IMPDH2: variants seen among roughly 807,000 people sequenced by gnomAD.
IMPDH2 encodes inosine monophosphate dehydrogenase 2, also known as inosine-5'-monophosphate dehydrogenase 2.
In IMPDH2, 33 loss-of-function variants were observed where a neutral mutation model predicts 57.8. The ratio of observed to expected loss-of-function variants is 0.57; its 90% confidence interval spans 0.43 to 0.76. The LOEUF (loss-of-function observed/expected upper bound fraction) is 0.76. Ranked by LOEUF, IMPDH2 falls within the 30% of genes least tolerant of loss-of-function variation. The pLI, the probability that IMPDH2 is intolerant of heterozygous loss-of-function variation, is 0.00. For missense variants in IMPDH2, 446 were observed against 659.1 expected, an observed-to-expected ratio of 0.68 and a Z score of 3.54; for synonymous variants, 270 against 241.3, an observed-to-expected ratio of 1.12 and a Z score of -1.10.
Position 49,026,876 on chromosome 3 carries a change from G to A in IMPDH2, c.630C>T (p.Pro210=). 6.2e-7 allele frequency: 1 copy of A among 1,614,166 alleles called. No homozygotes were observed. The highest frequency in any genetic ancestry group is 8.5e-7 in the Non-Finnish European group (1 of 1,180,022). Residue 210 remains proline (P), a synonymous_variant, in exon 7 of 14, where the codon CCC becomes CCT. Coordinates refer to ENST00000326739, the MANE Select transcript of IMPDH2 (RefSeq NM_000884.3). The part of the protein sequence containing the change: ...ILQRSKKGKL[P]IVNEDDELVA... Reference sequence around the variant, plus strand: ...CAAGCTCATCATCTTCATTTACAATGGGCAACTTTCCTGTGGTCAGGGCAG... The same window carrying A: ...CAAGCTCATCATCTTCATTTACAATAGGCAACTTTCCTGTGGTCAGGGCAG...
At position 49,028,762 on chromosome 3, in the gene IMPDH2, T is replaced by C. The variant is rs1253759791; in HGVS notation, c.143A>G (p.Gln48Arg). 2 of 1,613,244 alleles carry C rather than the reference T, an allele frequency of 1.2e-6. No homozygotes were observed. The highest frequency in any genetic ancestry group is 2.2e-5 in the South Asian group (2 of 91,062). Reference sequence around the variant, plus strand: ...CCAATTCCTGATCATACTCACCACCTGGTCTGCAGTGAAGTCGATGTACCC... The same window carrying C: ...CCAATTCCTGATCATACTCACCACCCGGTCTGCAGTGAAGTCGATGTACCC... ...LPGYIDFTAD[Q>R]VDLTSALTKK... is the part of the protein sequence containing the mutation. The change falls in exon 2 of 14, where the codon CAG becomes CGG. Residue 48 changes from glutamine to arginine, a missense_variant. Transcript: ENST00000326739.
intron 5 of IMPDH2, 29 bp downstream of exon 5, chr3:49,027,681 C>CTTGG (rs2093205033): frequency 1.3e-6 from 2 of 1,592,558 alleles, no homozygotes; most frequent in African/African-American, 2.7e-5. Context: ...GCTGCTAGAG[C>CTTGG]TTGGATCTAC....
At chr3:49,025,521 C>T in intron 9 of IMPDH2, 1 of 507,968 alleles carries the variant, frequency 2.0e-6, no homozygotes, top group Non-Finnish European at 3.6e-6. Flanking sequence ...CAGGCACATG[C>T]AGTCTTAGCA....
In IMPDH2 at chr3:49,027,698, A is replaced by G. The variant is rs1301724356; in HGVS notation, c.531+12T>C. On this transcript the variant is annotated intron_variant, in intron 5 of 13. Coordinates refer to ENST00000326739, the MANE Select transcript of IMPDH2 (RefSeq NM_000884.3). ...TGCTAGAGCTTGGATCTACTCTGCC[A>G]GTGGCACCCACCTCTTCCAAGAAAC... is the stretch of plus-strand genomic sequence containing the variant. 2 of 1,612,004 alleles carry G rather than the reference A, an allele frequency of 1.2e-6. No homozygotes were observed. Among genetic ancestry groups the G allele is most frequent in the South Asian group, 2.2e-5 (2 of 91,044 alleles).
At chr3:49,029,095 G>A (rs1190142460) in intron 1 of IMPDH2, 158 bp downstream of exon 1, 7 of 687,080 alleles carry the variant, frequency 1.0e-5, no homozygotes, top group East Asian at 2.7e-5. Context: ...CCCAAGCACC[G>A]CTCCAGATGT....
chr3:49,025,389 T>G, intron 9 of IMPDH2, 120 bp from the exon 10 acceptor site: 1 of 1,061,938 alleles, frequency 9.4e-7, no homozygotes. Flanking sequence ...GCAGCTTGGC[T>G]GAGGAACAGA....
Position 49,024,782 on chromosome 3 carries a change from A to T in IMPDH2, c.1316T>A (p.Val439Glu). 6.2e-7 allele frequency: 1 copy of T among 1,614,170 alleles called. No homozygotes were observed. The highest frequency in any genetic ancestry group is 8.5e-7 in the Non-Finnish European group (1 of 1,180,024). The change falls in exon 12 of 14, where the codon GTG (valine) becomes GAG (glutamate). Residue 439 changes from valine to glutamate, a missense_variant. Val to Glu is a moderately radical substitution (Grantham distance 121, BLOSUM62 -2). Coordinates refer to ENST00000326739, the MANE Select transcript of IMPDH2 (RefSeq NM_000884.3). ...RYFSEADKIKVAQGVSGAVQD... is the reference protein window; with the variant it reads ...RYFSEADKIKEAQGVSGAVQD... ...CACAGCACCAGACACTCCCTGGGCC[A>T]CTTTGATTTTGTCAGCTTCACTGCA... is the stretch of plus-strand genomic sequence containing the variant.
At position 49,029,284 on chromosome 3, in the gene IMPDH2, G is replaced by T; in HGVS notation, c.67C>A (p.Leu23Ile). The T allele has an allele frequency of 6.2e-7, 1 of 1,608,196 alleles. No individual in the cohort carries two copies. ...GTGAGGCCGTCTCCGCAGTTGAAGA[G>T]CTGCTGTGCTGTGAGTCCGTCGTCT... ...VPDDGLTAQQ[L>I]FNCGDGLTYN... The change falls in exon 1 of 14, where the codon CTC (leucine) becomes ATC (isoleucine). Residue 23 changes from leucine to isoleucine, a missense_variant. Leu to Ile is a conservative substitution (Grantham distance 5). Coordinates refer to ENST00000326739, the MANE Select transcript of IMPDH2 (RefSeq NM_000884.3).
intron 2 of IMPDH2, 75 bp downstream of exon 2, chr3:49,028,683 T>C: frequency 7.1e-7 from 1 of 1,418,034 alleles, no homozygotes; most frequent in Non-Finnish European, 1.0e-6. Context: ...ATCTGGTGAG[T>C]TAGCCCAGAG....
intron 9 of IMPDH2, chr3:49,025,940 C>G (rs2093196678): frequency 2.2e-6 from 1 of 463,264 alleles, no homozygotes; most frequent in African/African-American, 2.0e-5. Context: ...CTACGTCAAC[C>G]AAGCAGCCGG....
intron 2 of IMPDH2, 32 bp downstream of exon 2, chr3:49,028,726 A>G: frequency 6.3e-7 from 1 of 1,588,732 alleles, no homozygotes; most frequent in Non-Finnish European, 8.6e-7. Context: ...GCTCACCTTG[A>G]TGTTCAGGAC....
intron 1 of IMPDH2, chr3:49,029,035 T>C (rs895325166): frequency 6.2e-6 from 4 of 643,996 alleles, no homozygotes; most frequent in Non-Finnish European, 1.1e-5. Flanking sequence ...GTCTGGAGCA[T>C]GGAATCTCCG....
At chr3:49,026,454 G>A in intron 8 of IMPDH2, 35 bp from the exon 9 acceptor site, 1 of 1,605,478 alleles carries the variant, frequency 6.2e-7, no homozygotes, top group Non-Finnish European at 8.5e-7. Context: ...TCATGTGAAG[G>A]TTAAGGTGGG....
Position 49,028,416 on chromosome 3 carries a change from C to A in IMPDH2, c.249+15G>T. On this transcript the variant is annotated intron_variant, in intron 3 of 13. Transcript: ENST00000326739. ...TGGAGTCCTTGCTCCTTCCCCCACA[C>A]CCCATGGGGCTCACCGCCATTGCTA... 6.2e-7 allele frequency: 1 copy of A among 1,609,736 alleles called. No homozygotes were observed. Among genetic ancestry groups the A allele is most frequent in the Non-Finnish European group, 8.5e-7 (1 of 1,175,984 alleles).
intron 3 of IMPDH2, 44 bp downstream of exon 3, chr3:49,028,387 G>T (rs2093208909): frequency 6.2e-7 from 1 of 1,605,618 alleles, no homozygotes; most frequent in South Asian, 1.1e-5. Flanking sequence ...TTGGGGAAAG[G>T]CGATGGAGTC....
chr3:49,026,038 C>CT (rs35855647), intron 9 of IMPDH2: 5 of 536,674 alleles, frequency 9.3e-6, no homozygotes, highest in South Asian at 7.7e-5. Context: ...GGCTGTGGGA[C>CT]TTTATGTCTG....
Position 49,024,725 on chromosome 3 carries a change from G to T in IMPDH2, c.1373C>A (p.Pro458His), listed in dbSNP as rs2093189717. Residue 458 changes from proline (P) to histidine (H), a missense_variant, in exon 12 of 14, where the codon CCT (proline) becomes CAT (histidine). Physicochemically the swap from Pro to His is moderately conservative, Grantham distance 77 (BLOSUM62 -2). Transcript: ENST00000326739. Reference protein sequence around the residue: ...QDKGSIHKFVPYLIAGIQHSC... With the variant: ...QDKGSIHKFVHYLIAGIQHSC... ...GTGTTGGATGCCAGCAATCAGGTAA[G>T]GGACAAATTTGTGGATTGACCCTTT... 6.2e-7 allele frequency: 1 copy of T among 1,614,072 alleles called. No individual in the cohort carries two copies. The highest frequency in any genetic ancestry group is 1.1e-5 in the South Asian group (1 of 91,086).
chr3:49,024,816 C>G lies in IMPDH2; in HGVS notation c.1296-14G>C, dbSNP rs2093190552. ...TTGTCAGCTTCACTGCAGGGAGAGGCAGAGACACGGGCAAGGTCACAGCAG... is the reference window on the plus strand; with the variant it reads ...TTGTCAGCTTCACTGCAGGGAGAGGGAGAGACACGGGCAAGGTCACAGCAG... On this transcript the variant is annotated splice_polypyrimidine_tract_variant and intron_variant, in intron 11 of 13. Coordinates refer to ENST00000326739, the MANE Select transcript of IMPDH2 (RefSeq NM_000884.3). The G allele has an allele frequency of 3.1e-6, 5 of 1,613,992 alleles. No individual in the cohort carries two copies. Among genetic ancestry groups the G allele is most frequent in the Non-Finnish European group, 4.2e-6 (5 of 1,179,986 alleles).
In IMPDH2 at chr3:49,024,759, C is replaced by T. The variant is rs1049578315; in HGVS notation, c.1339G>A (p.Val447Met). The T allele has an allele frequency of 3.1e-5, 50 of 1,614,096 alleles. No homozygotes were observed. The highest frequency in any genetic ancestry group is 4.2e-5 in the Non-Finnish European group (49 of 1,180,044). Residue 447 changes from valine to methionine, a missense_variant, in exon 12 of 14, where the codon GTG becomes ATG. Coordinates refer to ENST00000326739, the MANE Select transcript of IMPDH2 (RefSeq NM_000884.3). The part of the protein sequence containing the change: ...IKVAQGVSGA[V>M]QDKGSIHKFV... ...TTGTGGATTGACCCTTTGTCCTGCA[C>T]AGCACCAGACACTCCCTGGGCCACT...
Sources: gnomAD v4.1 joint callset for allele counts on GRCh38, gnomAD v4.1.1 for gene constraint, MANE v1.5 for transcripts, NCBI Gene and HGNC (gene_info 2026-07-23, HGNC 2026-07-21) for gene names.